LRRC7: variants seen among roughly 807,000 people sequenced by gnomAD.
LRRC7 encodes leucine rich repeat containing 7, also known as leucine-rich repeat-containing protein 7.
In LRRC7, 23 loss-of-function variants were observed where a neutral mutation model predicts 175.7. The ratio of observed to expected loss-of-function variants is 0.13; its 90% CI spans 0.09 to 0.19. The LOEUF is 0.19. Ranked by LOEUF, LRRC7 falls within the 10% of genes least tolerant of loss-of-function variation. The pLI is 1.00. For synonymous variants in LRRC7, 685 were observed against 680.9 expected (o/e 1.01, Z -0.09); for missense variants, 1,354 against 1,904.7 (o/e 0.71, Z 5.38).
intron 7 of LRRC7, among the ~76,000 whole-genome samples, chr1:69,909,483 C>G (rs1022482595): frequency 6.6e-6 from 1 of 152,082 alleles, no homozygotes; most frequent in Middle Eastern, 3.2e-3. Flanking sequence ...CAAAATCTGC[C>G]AGCATTTGCT....
chr1:69,977,028 T>C (rs950024865), intron 8 of LRRC7, among the ~76,000 whole-genome samples: 1 of 152,158 alleles, frequency 6.6e-6, no homozygotes, highest in Admixed American at 6.5e-5. Context: ...TTTCAGTCTC[T>C]CCCATTTATC....
chr1:70,018,521 A>G (rs1162357302), intron 14 of LRRC7, among the ~76,000 whole-genome samples, 198 bp from the exon 15 acceptor site: 1 of 149,912 alleles, frequency 6.7e-6, no homozygotes, highest in East Asian at 1.9e-4. Flanking sequence ...TATACTAAAG[A>G]AGAAGAAAAC....
chr1:69,590,426 A>G (rs1314900727), intron 1 of LRRC7, among the ~76,000 whole-genome samples: 1 of 152,190 alleles, frequency 6.6e-6, no homozygotes, highest in East Asian at 1.9e-4. Context: ...CAAAGTACTT[A>G]AAAGAATTAG....
chr1:70,099,165 A>G (rs1664627796), intron 25 of LRRC7, among the ~76,000 whole-genome samples: 1 of 142,266 alleles, frequency 7.0e-6, no homozygotes, highest in Non-Finnish European at 1.5e-5. Flanking sequence ...GGCTGGTTCA[A>G]TATATGCAAA....
At chr1:69,730,115 A>C (rs1667406537) in intron 2 of LRRC7, among the ~76,000 whole-genome samples, 1 of 152,200 alleles carries the variant, frequency 6.6e-6, no homozygotes, top group Non-Finnish European at 1.5e-5. Flanking sequence ...TGCACACAGC[A>C]GGGGGCCCTT....
intron 16 of LRRC7, among the ~76,000 whole-genome samples, chr1:70,022,575 G>A (rs958935728): frequency 6.6e-6 from 1 of 152,032 alleles, no homozygotes; most frequent in Admixed American, 6.5e-5. Flanking sequence ...TTTTTTCTCT[G>A]TATTTACATT....
chr1:69,675,971 T>C (rs1659704136), intron 1 of LRRC7, among the ~76,000 whole-genome samples: 1 of 150,892 alleles, frequency 6.6e-6, no homozygotes, highest in Non-Finnish European at 1.5e-5. Context: ...CAATTTCTTA[T>C]ACTTTACAAA....
chr1:69,811,784 A>C (rs1442254440), intron 4 of LRRC7, among the ~76,000 whole-genome samples: 5 of 151,986 alleles, frequency 3.3e-5, no homozygotes, highest in Non-Finnish European at 7.4e-5. Flanking sequence ...TTGGGAGGCT[A>C]GGGGAGGGAT....
At chr1:69,599,766 A>G (rs752241941) in intron 1 of LRRC7, among the ~76,000 whole-genome samples, 1 of 152,062 alleles carries the variant, frequency 6.6e-6, no homozygotes, top group African/African-American at 2.4e-5. Context: ...CCTTCCCCAC[A>G]AGTCCTGGGG....
chr1:69,796,363 T>C (rs1675765002), intron 4 of LRRC7, among the ~76,000 whole-genome samples: 1 of 151,878 alleles, frequency 6.6e-6, no homozygotes, highest in Non-Finnish European at 1.5e-5. Flanking sequence ...GATTGTAATT[T>C]CCAAATGCAT....
intron 7 of LRRC7, among the ~76,000 whole-genome samples, chr1:69,857,968 C>T (rs1208037919): frequency 6.6e-6 from 1 of 152,104 alleles, no homozygotes; most frequent in Non-Finnish European, 1.5e-5. Flanking sequence ...AGATCTACAA[C>T]CATCTGATCT....
At chr1:69,785,370 C>A (rs952414992) in intron 3 of LRRC7, among the ~76,000 whole-genome samples, 2 of 152,080 alleles carry the variant, frequency 1.3e-5, no homozygotes, top group Non-Finnish European at 2.9e-5. Flanking sequence ...GACAGTTTTA[C>A]AACTTTGCAT....
At chr1:70,080,128 A>C (rs1446934981) in intron 24 of LRRC7, among the ~76,000 whole-genome samples, 10 of 152,224 alleles carry the variant, frequency 6.6e-5, no homozygotes, top group Non-Finnish European at 1.3e-4. Context: ...AGAATTATAG[A>C]ACTGCCTTAT....
intron 26 of LRRC7, among the ~76,000 whole-genome samples, chr1:70,109,544 A>T (rs1427418516): frequency 6.6e-6 from 1 of 152,186 alleles, no homozygotes; most frequent in Non-Finnish European, 1.5e-5. Flanking sequence ...CACATATAAT[A>T]ATCTAAAATT....
At chr1:69,868,645 CT>C (rs1033001160) in intron 7 of LRRC7, among the ~76,000 whole-genome samples, 30 of 152,174 alleles carry the variant, frequency 2.0e-4, no homozygotes, top group African/African-American at 7.2e-4. Context: ...ATCCTATGTG[CT>C]CTGGGAAACT....
intron 1 of LRRC7, among the ~76,000 whole-genome samples, chr1:69,630,092 A>G (rs190490279): frequency 4.4e-4 from 67 of 152,136 alleles, no homozygotes; most frequent in Middle Eastern, 3.4e-3. Flanking sequence ...ATTACATTGT[A>G]TTCTGCCTCC....
intron 25 of LRRC7, among the ~76,000 whole-genome samples, chr1:70,090,922 C>T (rs1663984258): frequency 6.6e-6 from 1 of 152,124 alleles, no homozygotes; most frequent in African/African-American, 2.4e-5. Context: ...GTTTCTTATA[C>T]TCTTCCTACC....
intron 23 of LRRC7, among the ~76,000 whole-genome samples, chr1:70,073,813 C>T (rs1420705537): frequency 6.6e-6 from 1 of 152,192 alleles, no homozygotes; most frequent in African/African-American, 2.4e-5. Flanking sequence ...AGGCCAGTCA[C>T]CCTCAGTCAG....
intron 11 of LRRC7, 33 bp from the exon 12 acceptor site, chr1:70,011,764 T>G: frequency 6.8e-7 from 1 of 1,466,174 alleles, no homozygotes; most frequent in East Asian, 2.3e-5. Flanking sequence ...ATCTAACTTT[T>G]AAAATGTCTA....
Sources: gnomAD v4.1 joint callset for allele counts (sites outside exome capture counted in the v4.1 genomes callset) on GRCh38, gnomAD v4.1.1 for gene constraint, MANE v1.5 for transcripts, NCBI Gene and HGNC (gene_info 2026-07-23, HGNC 2026-07-21) for gene names.